Variants in WASF3 observed in about 807,000 individuals in gnomAD.
WASF3 encodes the protein actin-binding protein WASF3.
WASF3 carries 11 observed loss-of-function variants against 46.6 expected under a neutral mutation model. The ratio of observed to expected loss-of-function variants is 0.24; its 90% CI spans 0.15 to 0.39. The LOEUF is 0.39. Ranked by LOEUF, WASF3 falls within the 10% of genes least tolerant of loss-of-function variation. The probability of loss-of-function intolerance (pLI) is 1.00; values close to 1 mark genes in which losing one functional copy is unlikely to be tolerated. For synonymous variants in WASF3, 242 were observed against 259.7 expected (o/e 0.93, Z 0.65); for missense variants, 576 against 669.8 (o/e 0.86, Z 1.55).
At position 26,571,621 on chromosome 13, in the gene WASF3, ATT is replaced by A. The variant is rs368748269; in HGVS notation, c.-109+13805_-109+13806del. Among the ~76,000 whole-genome samples the A allele has an allele frequency of 2.7e-3, 416 of 152,250 alleles. 2 individuals are homozygous for A. The highest frequency in any genetic ancestry group is 9.3e-3 in the African/African-American group (388 of 41,538). ...TGTCTGTTCATATGCTATTCACACA[ATT>A]TTAATCATGAGGCTTTGTTTTAATA... On this transcript the variant is annotated intron_variant, in intron 1 of 9. Transcript: ENST00000335327.
rs1333860199 is a variant in WASF3, at chr13:26,687,555, A to G, written c.*1710A>G. ...GCCTCATGTCTGCATCCCCTTTCCA[A>G]GGCTGCTTCCCTGGTGTGTCTGTTC... is the stretch of plus-strand genomic sequence containing the variant. On this transcript the variant is annotated 3_prime_UTR_variant, in exon 10 of 10. Transcript: ENST00000335327. 2 of 152,148 alleles carry G rather than the reference A, an allele frequency of 1.3e-5. No homozygotes were observed. The highest frequency in any genetic ancestry group is 2.4e-5 in the African/African-American group (1 of 41,370). The allele number at this position is 152,148 out of a possible 1,614,324, so 9.4% of individuals were successfully genotyped here.
intron 1 of WASF3, among the ~76,000 whole-genome samples, chr13:26,574,723 T>C (rs552206686): frequency 1.2e-4 from 19 of 152,336 alleles, no homozygotes; most frequent in African/African-American, 4.6e-4. Context: ...TCTGTTCATT[T>C]ATTGTTTGAT....
In WASF3 at chr13:26,667,632, T is replaced by G; in HGVS notation, c.384T>G (p.Ser128Arg). 1 of 1,613,976 alleles carries G rather than the reference T, an allele frequency of 6.2e-7. No individual in the cohort carries two copies. Among genetic ancestry groups the G allele is most frequent in the Non-Finnish European group, 8.5e-7 (1 of 1,179,966 alleles). ...CTGTTGCTGATATTTACAACCAGAGTGATAAGCCACCGCCTCTGAACATCC... is the reference window on the plus strand; with the variant it reads ...CTGTTGCTGATATTTACAACCAGAGGGATAAGCCACCGCCTCTGAACATCC... ...PNPVADIYNQ[S>R]DKPPPLNILT... Residue 128 changes from serine (S) to arginine (R), a missense_variant, in exon 5 of 10, where the codon AGT becomes AGG. Around this residue, in one of 3 missense-constraint regions of WASF3, gnomAD observed 213 missense variants for 278.0 expected, o/e 0.77. Coordinates refer to ENST00000335327, the MANE Select transcript of WASF3 (RefSeq NM_006646.6).
chr13:26,676,824 T>C, intron 7 of WASF3, 100 bp downstream of exon 7: 2 of 1,191,292 alleles, frequency 1.7e-6, no homozygotes, highest in Non-Finnish European at 2.3e-6. Flanking sequence ...TCGGGGTTTA[T>C]ATGGCCCTTG....
chr13:26,542,894 G>C, the WASF3 span, among the ~76,000 whole-genome samples: 17 of 152,234 alleles, frequency 1.1e-4, no homozygotes, highest in South Asian at 3.1e-3. Flanking sequence ...GTCACTTTTC[G>C]AAAGGCAATG....
rs2137533819 is a variant in WASF3 at position 26,687,690 on chromosome 13, G to A, written c.*1845G>A. On this transcript the variant is annotated 3_prime_UTR_variant, in exon 10 of 10. Coordinates refer to ENST00000335327, the MANE Select transcript of WASF3 (RefSeq NM_006646.6). ...TTGAATATAAGTAACAGTTATTAATGAACTTCTAAATTTCTAATTTCTCTC... is the reference window on the plus strand; with the variant it reads ...TTGAATATAAGTAACAGTTATTAATAAACTTCTAAATTTCTAATTTCTCTC... 6.7e-6 allele frequency: 1 copy of A among 149,620 alleles called. No individual in the cohort carries two copies. The highest frequency in any genetic ancestry group is 6.7e-5 in the Admixed American group (1 of 15,036). 9.3% of individuals were successfully genotyped at this position (149,620 alleles called of 1,614,324 possible).
At chr13:26,666,882 A>AAAG (rs1005425539) in intron 4 of WASF3, among the ~76,000 whole-genome samples, 2 of 151,298 alleles carry the variant, frequency 1.3e-5, no homozygotes, top group African/African-American at 4.9e-5. Flanking sequence ...AAAAAAAAAA[A>AAAG]AAAAAAAAGA....
chr13:26,552,245 A>G, the WASF3 span, among the ~76,000 whole-genome samples: 1 of 152,198 alleles, frequency 6.6e-6, no homozygotes, highest in Non-Finnish European at 1.5e-5. Context: ...CCACATATCC[A>G]ATAGATGTTA....
chr13:26,657,285 A>G (rs550679471), intron 3 of WASF3, among the ~76,000 whole-genome samples: 1 of 152,320 alleles, frequency 6.6e-6, no homozygotes, highest in East Asian at 1.9e-4. Flanking sequence ...GCATTTTCCA[A>G]ATACAGAAGA....
At chr13:26,565,969 A>G (rs1056181462) in intron 1 of WASF3, among the ~76,000 whole-genome samples, 3 of 152,200 alleles carry the variant, frequency 2.0e-5, no homozygotes, top group African/African-American at 7.2e-5. Flanking sequence ...TCAGAACATC[A>G]TTTGAAATAA....
intron 1 of WASF3, among the ~76,000 whole-genome samples, chr13:26,605,562 G>A (rs1880768726): frequency 6.6e-6 from 1 of 152,116 alleles, no homozygotes; most frequent in South Asian, 2.1e-4. Flanking sequence ...TGTTGTCTAT[G>A]TGCCAAGTAT....
At chr13:26,594,506 T>C (rs1482554551) in intron 1 of WASF3, among the ~76,000 whole-genome samples, 1 of 152,210 alleles carries the variant, frequency 6.6e-6, no homozygotes, top group Non-Finnish European at 1.5e-5. Flanking sequence ...ACTCTTGCGC[T>C]CCTGGCTGCA....
chr13:26,591,387 G>T (rs907571303), intron 1 of WASF3, among the ~76,000 whole-genome samples: 2 of 152,134 alleles, frequency 1.3e-5, no homozygotes, highest in Non-Finnish European at 1.5e-5. Flanking sequence ...CAGCCGGGAG[G>T]CTTGGGTGAG....
the WASF3 span, among the ~76,000 whole-genome samples, chr13:26,541,392 A>C: frequency 1.3e-5 from 2 of 152,206 alleles, no homozygotes; most frequent in Non-Finnish European, 1.5e-5. Flanking sequence ...TAGCCTCTCT[A>C]TGTCTTGTTT....
chr13:26,580,692 C>G (rs1879952993), intron 1 of WASF3, among the ~76,000 whole-genome samples: 1 of 149,310 alleles, frequency 6.7e-6, no homozygotes, highest in African/African-American at 2.5e-5. Context: ...ATGGCACGAT[C>G]TCGGCTCACC....
At chr13:26,674,668 A>G (rs1883011636) in intron 6 of WASF3, among the ~76,000 whole-genome samples, 1 of 152,236 alleles carries the variant, frequency 6.6e-6, no homozygotes, top group Non-Finnish European at 1.5e-5. Context: ...TAGTATTCTG[A>G]AATATAAATG....
chr13:26,589,536 T>C (rs1232054232), intron 1 of WASF3, among the ~76,000 whole-genome samples: 1 of 152,192 alleles, frequency 6.6e-6, no homozygotes, highest in African/African-American at 2.4e-5. Flanking sequence ...CGTCAATAGA[T>C]GCATTTGTTT....
At chr13:26,649,415 G>A (rs1173132739) in intron 3 of WASF3, among the ~76,000 whole-genome samples, 1 of 152,142 alleles carries the variant, frequency 6.6e-6, no homozygotes, top group Non-Finnish European at 1.5e-5. Flanking sequence ...TATTGAAGGG[G>A]CATCCAGTTT....
chr13:26,680,873 T>C (rs1159916816), intron 7 of WASF3, among the ~76,000 whole-genome samples, 181 bp from the exon 8 acceptor site: 1 of 152,218 alleles, frequency 6.6e-6, no homozygotes, highest in African/African-American at 2.4e-5. Context: ...GCTGCCGACT[T>C]ATAATAATTA....
Sources: gnomAD v4.1 joint callset for allele counts (sites outside exome capture counted in the v4.1 genomes callset) on GRCh38, gnomAD v4.1.1 for gene constraint, gnomAD v4.1.1 regional missense constraint, MANE v1.5 for transcripts, NCBI Gene and HGNC (gene_info 2026-07-23, HGNC 2026-07-21) for gene names.